The following TRPS1 variants were observed in gnomAD, a reference collection of about 807,000 sequenced individuals.
The protein encoded by TRPS1 is zinc finger transcription factor Trps1.
Under a neutral mutation model 101.2 loss-of-function variants are expected in TRPS1, and 6 were observed. The observed-to-expected ratio is 0.06, with a 90% CI of 0.03 to 0.12. The LOEUF (loss-of-function observed/expected upper bound fraction) is 0.12. TRPS1 is among the 10% of genes least tolerant of loss of function. The probability of loss-of-function intolerance (pLI) is 1.00; values close to 1 mark genes in which losing one functional copy is unlikely to be tolerated. For missense variants in TRPS1, 1,363 were observed against 1,567.0 expected, an observed-to-expected ratio of 0.87 and a Z score of 2.20; for synonymous variants, 578 against 589.8, an observed-to-expected ratio of 0.98 and a Z score of 0.29.
In TRPS1 at chr8:115,619,422, C is replaced by A; in HGVS notation, c.676G>T (p.Ala226Ser). 6.2e-7 allele frequency: 1 copy of A among 1,614,170 alleles called. No homozygotes were observed. ...TCCTGAAGCTCTGGAGACAGAGGTG[C>A]CGGGTCTGGGTTGTCATTCACCAGT... Reference protein sequence around the residue: ...DLLVNDNPDPAPLSPELQDFK... With the variant: ...DLLVNDNPDPSPLSPELQDFK... Residue 226 changes from alanine to serine, a missense_variant, in exon 3 of 7, where the codon GCA becomes TCA. Ala to Ser is a moderately conservative substitution (Grantham distance 99). This residue lies in a region of TRPS1 where 1,020 missense variants were observed against 1,073.0 expected (regional missense o/e 0.95). Transcript: ENST00000395715.
At chr8:115,456,214 A>C (rs1471842832) in intron 5 of TRPS1, among the ~76,000 whole-genome samples, 1 of 152,206 alleles carries the variant, frequency 6.6e-6, no homozygotes, top group Admixed American at 6.5e-5. Flanking sequence ...AGTGTGGAAT[A>C]TAAAGTGGAG....
At chr8:115,589,050 G>A (rs1817627790) in intron 4 of TRPS1, among the ~76,000 whole-genome samples, 1 of 152,162 alleles carries the variant, frequency 6.6e-6, no homozygotes, top group African/African-American at 2.4e-5. Flanking sequence ...CTTTCTGAGG[G>A]AGATATATGA....
intron 5 of TRPS1, among the ~76,000 whole-genome samples, chr8:115,422,577 C>G (rs1813093869): frequency 6.6e-6 from 1 of 152,004 alleles, no homozygotes; most frequent in Admixed American, 6.6e-5. Flanking sequence ...CGTTGACCAG[C>G]CTGGTCTCCA....
chr8:115,421,645 C>A (rs1421718545), intron 5 of TRPS1, among the ~76,000 whole-genome samples: 4 of 152,196 alleles, frequency 2.6e-5, no homozygotes, highest in South Asian at 2.1e-4. Flanking sequence ...TACCTCCCAT[C>A]TAAACAAATT....
At chr8:115,593,498 C>A (rs981562815) in intron 4 of TRPS1, among the ~76,000 whole-genome samples, 1 of 152,088 alleles carries the variant, frequency 6.6e-6, no homozygotes. Context: ...GGAATTAGTA[C>A]CTAAAAGATT....
At chr8:115,548,147 T>A (rs1201866405) in intron 5 of TRPS1, among the ~76,000 whole-genome samples, 1 of 151,692 alleles carries the variant, frequency 6.6e-6, no homozygotes, top group Non-Finnish European at 1.5e-5. Context: ...GGCAGGAGGA[T>A]CACTGAAACT....
intron 4 of TRPS1, among the ~76,000 whole-genome samples, chr8:115,598,858 G>T (rs370112746): frequency 3.3e-5 from 5 of 152,054 alleles, no homozygotes; most frequent in Non-Finnish European, 7.4e-5. Context: ...CTGAGTAGTC[G>T]ATTTCTTGTT....
intron 5 of TRPS1, among the ~76,000 whole-genome samples, chr8:115,521,535 C>G (rs1173955473): frequency 7.2e-5 from 11 of 151,820 alleles, no homozygotes; most frequent in Non-Finnish European, 4.4e-5. Context: ...CTCACTATAA[C>G]TTTCAGATGT....
At chr8:115,459,718 C>T (rs560362885) in intron 5 of TRPS1, among the ~76,000 whole-genome samples, 1 of 152,170 alleles carries the variant, frequency 6.6e-6, no homozygotes, top group African/African-American at 2.4e-5. Flanking sequence ...TAGTTAGTTA[C>T]ACTATGAAAT....
At chr8:115,609,192 G>A (rs1818107310) in intron 3 of TRPS1, among the ~76,000 whole-genome samples, 2 of 152,072 alleles carry the variant, frequency 1.3e-5, no homozygotes, top group South Asian at 2.1e-4. Flanking sequence ...ATATTAGATA[G>A]CACACTCAAC....
rs1408324040 is a variant in TRPS1, at chr8:115,471,056, C to G, written c.2701-52604G>C. Among the ~76,000 whole-genome samples the G allele has an allele frequency of 2.0e-5, 3 of 152,156 alleles. No individual in the cohort carries two copies. In the East Asian group the frequency reaches 5.8e-4, roughly 29 times the overall value. On this transcript the variant is annotated intron_variant, in intron 5 of 6. Transcript: ENST00000395715. ...CCAGGGTCTAGAGCCCTCAAAGGCA[C>G]TAATGTATTTGTTTGCAGAGTGTGA...
At chr8:115,461,810 T>C (rs1814187123) in intron 5 of TRPS1, among the ~76,000 whole-genome samples, 1 of 152,336 alleles carries the variant, frequency 6.6e-6, no homozygotes, top group Non-Finnish European at 1.5e-5. Flanking sequence ...TGTCTTTGAT[T>C]GCCTATACAT....
Position 115,414,575 on chromosome 8 carries a change from G to A in TRPS1, c.3333C>T (p.Pro1111=), listed in dbSNP as rs756890592. The change falls in exon 7 of 7, where the codon CCC becomes CCT. Residue 1111 remains proline, a synonymous_variant. Coordinates refer to ENST00000395715, the MANE Select transcript of TRPS1 (RefSeq NM_014112.5). This position sits in a 1 kb window ranked among gnomAD's most constrained non-coding sequence, Gnocchi z 4.8. The part of the protein sequence containing the change: ...EKYQYPLFGL[P]FVHNDFQSEA... ...CACTCTGGAAGTCATTATGTACAAA[G>A]GGAAGTCCAAAAAGTGGGTACTGGT... 5 of 1,613,780 alleles carry A rather than the reference G, an allele frequency of 3.1e-6. No homozygotes were observed. The African/African-American group carries it at 6.7e-5, about 22-fold the overall frequency.
chr8:115,664,034 A>G (rs191787197), intron 1 of TRPS1, among the ~76,000 whole-genome samples: 3 of 152,222 alleles, frequency 2.0e-5, no homozygotes, highest in East Asian at 3.9e-4. Flanking sequence ...AAAATCGAAG[A>G]TATTATTTAT....
chr8:115,545,782 A>C (rs1332970794), intron 5 of TRPS1, among the ~76,000 whole-genome samples: 4 of 152,158 alleles, frequency 2.6e-5, no homozygotes, highest in African/African-American at 9.6e-5. Context: ...TTGATGAATC[A>C]ATTTTTCAAC....
At chr8:115,443,565 A>G (rs932305474) in intron 5 of TRPS1, among the ~76,000 whole-genome samples, 2 of 152,142 alleles carry the variant, frequency 1.3e-5, no homozygotes, top group East Asian at 3.8e-4. Context: ...GTCTGGAGGT[A>G]GTGGAGCCTG....
intron 5 of TRPS1, among the ~76,000 whole-genome samples, chr8:115,481,077 G>T (rs1814740166): frequency 6.6e-6 from 1 of 152,036 alleles, no homozygotes; most frequent in Non-Finnish European, 1.5e-5. Flanking sequence ...CTGTAAATAT[G>T]CTGTTTATCT....
intron 4 of TRPS1, among the ~76,000 whole-genome samples, chr8:115,597,539 A>G (rs1817814811): frequency 6.6e-6 from 1 of 152,036 alleles, no homozygotes; most frequent in African/African-American, 2.4e-5. Flanking sequence ...TACATTCTCT[A>G]ATTGTTTGGT....
chr8:115,622,000 A>T (rs866044143), intron 2 of TRPS1, among the ~76,000 whole-genome samples: 2 of 152,152 alleles, frequency 1.3e-5, no homozygotes, highest in African/African-American at 2.4e-5. Context: ...TTATTCGCCA[A>T]ATACCTATAA....
Sources: gnomAD v4.1 joint callset for allele counts (sites outside exome capture counted in the v4.1 genomes callset) on GRCh38, gnomAD v4.1.1 for gene constraint, gnomAD v4.1.1 regional missense constraint, Gnocchi (gnomAD v3.1) non-coding constraint, MANE v1.5 for transcripts, NCBI Gene and HGNC (gene_info 2026-07-23, HGNC 2026-07-21) for gene names.